Variants in TMEM255B observed in about 807,000 individuals in gnomAD.
TMEM255B encodes family with sequence similarity 70, member B.
TMEM255B carries 35 observed loss-of-function variants against 34.5 expected under a neutral mutation model. The observed-to-expected ratio is 1.01, with a 90% CI of 0.77 to 1.34. The LOEUF is 1.34. TMEM255B is among the 40% of genes most tolerant of loss of function. The pLI is 0.00. For synonymous variants in TMEM255B, 206 were observed against 201.2 expected (o/e 1.02, Z -0.20); for missense variants, 432 against 433.2 (o/e 1.00, Z 0.02).
At chr13:113,801,586 A>T in intron 6 of TMEM255B, 67 bp from the exon 7 acceptor site, 2 of 1,509,916 alleles carry the variant, frequency 1.3e-6, no homozygotes, top group Non-Finnish European at 8.9e-7. Flanking sequence ...GGTCCAGAGG[A>T]CACAAGTTTA....
intron 8 of TMEM255B, among the ~76,000 whole-genome samples, chr13:113,808,799 G>GA (rs368376314): frequency 0.017 from 1,798 of 108,002 alleles, 115 homozygotes; most frequent in African/African-American, 0.065. Flanking sequence ...TCCTGGGGGG[G>GA]GGGTTACTCC....
intron 8 of TMEM255B, among the ~76,000 whole-genome samples, chr13:113,810,851 C>G (rs1476988351): frequency 6.6e-6 from 1 of 152,230 alleles, no homozygotes; most frequent in Non-Finnish European, 1.5e-5. Flanking sequence ...ACCAGCCACA[C>G]GCTGCTGGAC....
At chr13:113,776,489 G>A (rs1253439624) in intron 3 of TMEM255B, among the ~76,000 whole-genome samples, 8 of 152,210 alleles carry the variant, frequency 5.3e-5, no homozygotes, top group African/African-American at 7.2e-5. Context: ...GGCTGGAGCC[G>A]GATCCCCACC....
In TMEM255B at chr13:113,780,791, A is replaced by G. The variant is rs185464006; in HGVS notation, c.252+11631A>G. 1.4e-4 allele frequency among the ~76,000 whole-genome samples: 21 copies of G among 152,362 alleles called. No homozygotes were observed. The East Asian group carries it at 3.7e-3, about 27-fold the overall frequency. The stretch of plus-strand genomic sequence containing the variant: ...GACCAAAACAAGACAACAATTGCCT[A>G]TGGATGACAAAATGTTTTAGGGTAG... On this transcript the variant is annotated intron_variant, in intron 3 of 8. Transcript: ENST00000375353.
Position 113,806,056 on chromosome 13 carries a change from A to T in TMEM255B, c.813+1028A>T, listed in dbSNP as rs2051164883. ...AGTCACACATGACACAGGTCTTCAGATATTCCACAAGAGGACCCTCTCCCG... is the reference window on the plus strand; with the variant it reads ...AGTCACACATGACACAGGTCTTCAGTTATTCCACAAGAGGACCCTCTCCCG... On this transcript the variant is annotated intron_variant, in intron 8 of 8. Coordinates refer to ENST00000375353, the MANE Select transcript of TMEM255B (RefSeq NM_182614.4). The surrounding 1 kb of genome is among the most constrained non-coding windows in gnomAD (Gnocchi z 4.2). Among the ~76,000 whole-genome samples the T allele has an allele frequency of 6.6e-6, 1 of 152,118 alleles. No homozygotes were observed. The highest frequency in any genetic ancestry group is 1.5e-5 in the Non-Finnish European group (1 of 68,026).
chr13:113,784,288 G>A (rs1227085780), intron 3 of TMEM255B, among the ~76,000 whole-genome samples: 4 of 152,120 alleles, frequency 2.6e-5, no homozygotes, highest in Admixed American at 6.5e-5. Flanking sequence ...TTTATAAAGA[G>A]GACAATTAAC....
In TMEM255B at chr13:113,813,701, A is replaced by C. The variant is rs2051371906; in HGVS notation, c.*1798A>C. The C allele has an allele frequency of 6.6e-6, 1 of 152,298 alleles. No homozygotes were observed. Among genetic ancestry groups the C allele is most frequent in the East Asian group, 2.0e-4 (1 of 5,116 alleles). 9.4% of individuals were successfully genotyped at this position (152,298 alleles called of 1,614,324 possible). On this transcript the variant is annotated 3_prime_UTR_variant, in exon 9 of 9. Coordinates refer to ENST00000375353, the MANE Select transcript of TMEM255B (RefSeq NM_182614.4). ...ACATGAACGGTGGCTGGCTGGGCCC[A>C]GGGGCCCTAACGGGCCTCTGAAAGG...
intron 5 of TMEM255B, among the ~76,000 whole-genome samples, chr13:113,800,438 C>G (rs1025229230): frequency 6.6e-6 from 1 of 151,868 alleles, no homozygotes; most frequent in African/African-American, 2.4e-5. Flanking sequence ...GGGGGGAGAG[C>G]GCCCTGGGAC....
intron 8 of TMEM255B, among the ~76,000 whole-genome samples, chr13:113,807,836 C>T (rs2051213083): frequency 6.8e-6 from 1 of 146,952 alleles, no homozygotes; most frequent in Non-Finnish European, 1.5e-5. Context: ...GGGGGGTGGT[C>T]CTCCCCGTCA....
intron 4 of TMEM255B, among the ~76,000 whole-genome samples, chr13:113,797,859 G>A (rs566966816): frequency 6.6e-6 from 1 of 152,320 alleles, no homozygotes. Flanking sequence ...TTTAGTTTTG[G>A]TACTTCCTGC....
chr13:113,777,475 C>T (rs888782646), intron 3 of TMEM255B, among the ~76,000 whole-genome samples: 11 of 152,178 alleles, frequency 7.2e-5, no homozygotes, highest in Non-Finnish European at 4.4e-5. Context: ...TGACTGTGCA[C>T]CCCAGACTGC....
At chr13:113,803,679 C>G (rs1205471519) in intron 7 of TMEM255B, among the ~76,000 whole-genome samples, 1 of 152,174 alleles carries the variant, frequency 6.6e-6, no homozygotes, top group African/African-American at 2.4e-5. Flanking sequence ...CCATGCCCAT[C>G]CAACCTCCCA....
chr13:113,800,933 C>A, intron 6 of TMEM255B, 21 bp downstream of exon 6: 1 of 1,190,670 alleles, frequency 8.4e-7, no homozygotes, highest in East Asian at 2.3e-5. Context: ...CCGGGGACCC[C>A]CATATCTACA....
intron 3 of TMEM255B, among the ~76,000 whole-genome samples, chr13:113,773,593 G>T (rs1175235433): frequency 6.6e-6 from 1 of 152,254 alleles, no homozygotes; most frequent in Non-Finnish European, 1.5e-5. Flanking sequence ...GGGGTTGTCT[G>T]TGATGCCTGT....
chr13:113,790,773 C>G (rs1440272769), intron 3 of TMEM255B, among the ~76,000 whole-genome samples: 8 of 100,760 alleles, frequency 7.9e-5, no homozygotes, highest in Middle Eastern at 6.0e-3. Flanking sequence ...CATCCTAGCT[C>G]TGGACTGACC....
chr13:113,797,971 G>A (rs772732238), intron 4 of TMEM255B, among the ~76,000 whole-genome samples: 14 of 152,194 alleles, frequency 9.2e-5, no homozygotes, highest in Non-Finnish European at 1.6e-4. Flanking sequence ...ACTGTGTCTC[G>A]TTATCCTTAC....
chr13:113,811,527 GTGTGAGTGGCCCTAGGTCTGA>G, intron 8 of TMEM255B, among the ~76,000 whole-genome samples, 188 bp from the exon 9 acceptor site: 1 of 135,686 alleles, frequency 7.4e-6, no homozygotes, highest in Non-Finnish European at 1.6e-5. Context: ...GGGGGGCCCT[GTGTGAGTGGCCCTAGGTCTGA>G]GGGGGCCTGT....
intron 3 of TMEM255B, among the ~76,000 whole-genome samples, chr13:113,786,190 CTGTCACCAT>C (rs1056297686): frequency 5.3e-5 from 8 of 152,160 alleles, no homozygotes; most frequent in African/African-American, 1.9e-4. Context: ...ACTATCCCCG[CTGTCACCAT>C]TGTCACCATC....
rs755716478 is a variant in TMEM255B at position 113,769,015 on chromosome 13, C to T, written c.190-83C>T. 5.3e-6 allele frequency: 8 copies of T among 1,495,342 alleles called. No individual in the cohort carries two copies. The highest frequency in any genetic ancestry group is 2.3e-5 in the South Asian group (2 of 87,600). The allele number at this position is 1,495,342 out of a possible 1,614,324, so 92.6% of individuals were successfully genotyped here. The stretch of plus-strand genomic sequence containing the variant: ...TCCCTGGATAAAATGCCTTTGAGGG[C>T]GGGATTATTTGCTTTAAATGTCAGT... On this transcript the variant is annotated intron_variant, in intron 2 of 8. Transcript: ENST00000375353. This position sits in a 1 kb window ranked among gnomAD's most constrained non-coding sequence, Gnocchi z 4.2.
Sources: gnomAD v4.1 joint callset for allele counts (sites outside exome capture counted in the v4.1 genomes callset) on GRCh38, gnomAD v4.1.1 for gene constraint, Gnocchi (gnomAD v3.1) non-coding constraint, MANE v1.5 for transcripts, NCBI Gene and HGNC (gene_info 2026-07-23, HGNC 2026-07-21) for gene names.